Variants in TMEM144 observed in about 807,000 individuals in gnomAD.
The protein encoded by TMEM144 is transmembrane protein 144.
A neutral mutation model predicts 43.6 loss-of-function variants in TMEM144; 39 were observed. That is an observed-to-expected ratio of 0.90 (90% CI 0.69 to 1.17). The LOEUF is 1.17. Ranked by LOEUF, TMEM144 falls within the 50% of genes most tolerant of loss-of-function variation. TMEM144 has a pLI of 0.00. For synonymous variants in TMEM144, 154 were observed against 133.6 expected (o/e 1.15, Z -1.06); for missense variants, 417 against 411.9 (o/e 1.01, Z -0.11).
rs1389605657 is a variant in TMEM144, at chr4:158,232,893, C to T, written c.414-8C>T. 6.3e-7 allele frequency: 1 copy of T among 1,595,342 alleles called. No homozygotes were observed. The highest frequency in any genetic ancestry group is 8.6e-7 in the Non-Finnish European group (1 of 1,168,760). ...GATAAATATCACTAAAATTTATTTTCCTTACAGTGCTTTCATATTTTTGTT... is the reference window on the plus strand; with the variant it reads ...GATAAATATCACTAAAATTTATTTTTCTTACAGTGCTTTCATATTTTTGTT... On this transcript the variant is annotated splice_polypyrimidine_tract_variant and splice_region_variant and intron_variant, in intron 6 of 12. Coordinates refer to ENST00000296529, the MANE Select transcript of TMEM144 (RefSeq NM_018342.5).
intron 6 of TMEM144, among the ~76,000 whole-genome samples, chr4:158,232,634 G>A (rs1450533576): frequency 2.0e-5 from 3 of 152,220 alleles, no homozygotes; most frequent in Non-Finnish European, 4.4e-5. Flanking sequence ...CTTTTACAAT[G>A]TGATTTCAAA....
At chr4:158,252,320 T>C (rs187735499) in intron 12 of TMEM144, among the ~76,000 whole-genome samples, 1 of 152,234 alleles carries the variant, frequency 6.6e-6, no homozygotes, top group East Asian at 1.9e-4. Context: ...TCACACCCTC[T>C]CTGCATTTCT....
intron 6 of TMEM144, among the ~76,000 whole-genome samples, chr4:158,224,870 G>A (rs1398346198): frequency 1.3e-5 from 2 of 152,152 alleles, no homozygotes; most frequent in Non-Finnish European, 2.9e-5. Context: ...TGATGTTTAA[G>A]GGTGGTCTCA....
rs34512396 is a variant in TMEM144, at chr4:158,228,189, G to A, written c.414-4712G>A. The stretch of plus-strand genomic sequence containing the variant: ...GGCACACCGTGGGTGATCAGGCCAC[G>A]CTTCCACTCAAATGGAGTAGGCAAG... On this transcript the variant is annotated intron_variant, in intron 6 of 12. Coordinates refer to ENST00000296529, the MANE Select transcript of TMEM144 (RefSeq NM_018342.5). 4.7e-3 allele frequency among the ~76,000 whole-genome samples: 723 copies of A among 152,272 alleles called. 6 individuals carry two copies. Among genetic ancestry groups the A allele is most frequent in the Non-Finnish European group, 8.2e-3 (558 of 68,020 alleles).
At chr4:158,251,714 G>A (rs1736214090) in intron 12 of TMEM144, among the ~76,000 whole-genome samples, 1 of 152,146 alleles carries the variant, frequency 6.6e-6, no homozygotes, top group African/African-American at 2.4e-5. Flanking sequence ...GTGTAAAAAT[G>A]AGTGACACCA....
chr4:158,219,301 G>A lies in TMEM144; in HGVS notation c.333-9G>A. ...ATATTTAATTTGATGTGACTTTCTG[G>A]ATTTTCAGGTTTGGCTGGTTTGGAT... On this transcript the variant is annotated splice_polypyrimidine_tract_variant and intron_variant, in intron 5 of 12. Coordinates refer to ENST00000296529, the MANE Select transcript of TMEM144 (RefSeq NM_018342.5). 2 of 1,613,622 alleles carry A rather than the reference G, an allele frequency of 1.2e-6. No individual in the cohort carries two copies. The highest frequency in any genetic ancestry group is 2.7e-5 in the African/African-American group (2 of 74,962).
At chr4:158,224,929 A>G (rs1248053891) in intron 6 of TMEM144, among the ~76,000 whole-genome samples, 1 of 152,196 alleles carries the variant, frequency 6.6e-6, no homozygotes, top group Non-Finnish European at 1.5e-5. Flanking sequence ...CTACACAGTT[A>G]TGTTCAACTG....
At chr4:158,245,083 C>G (rs1379877544) in intron 12 of TMEM144, among the ~76,000 whole-genome samples, 1 of 152,082 alleles carries the variant, frequency 6.6e-6, no homozygotes, top group Non-Finnish European at 1.5e-5. Flanking sequence ...TCCTATGTCT[C>G]CCAAAGACCT....
intron 10 of TMEM144, among the ~76,000 whole-genome samples, chr4:158,240,764 T>C (rs931418851): frequency 6.6e-6 from 1 of 152,226 alleles, no homozygotes; most frequent in African/African-American, 2.4e-5. Flanking sequence ...ATCTAAAGGT[T>C]CATATATCAA....
chr4:158,217,613 C>A (rs185654973), intron 5 of TMEM144, among the ~76,000 whole-genome samples, 193 bp downstream of exon 5: 1 of 152,206 alleles, frequency 6.6e-6, no homozygotes, highest in Non-Finnish European at 1.5e-5. Flanking sequence ...GATATTTGAT[C>A]AAGATATAGT....
chr4:158,232,036 A>T (rs1024904486), intron 6 of TMEM144, among the ~76,000 whole-genome samples: 1 of 152,208 alleles, frequency 6.6e-6, no homozygotes, highest in Non-Finnish European at 1.5e-5. Flanking sequence ...TGAAATGTTG[A>T]ACCATGCAAA....
At chr4:158,247,981 TTAGC>T (rs1436500203) in intron 12 of TMEM144, among the ~76,000 whole-genome samples, 4 of 151,636 alleles carry the variant, frequency 2.6e-5, no homozygotes, top group African/African-American at 9.7e-5. Flanking sequence ...GCAATTTAGA[TTAGC>T]TAGGCCAGTT....
intron 9 of TMEM144, 126 bp from the exon 10 acceptor site, chr4:158,240,173 C>A: frequency 2.6e-6 from 3 of 1,148,740 alleles, no homozygotes; most frequent in Non-Finnish European, 1.2e-6. Flanking sequence ...GTGTGAGCCA[C>A]TGCGCTCTGC....
chr4:158,225,172 G>A (rs542280763), intron 6 of TMEM144, among the ~76,000 whole-genome samples: 5 of 152,304 alleles, frequency 3.3e-5, no homozygotes, highest in Admixed American at 2.0e-4. Context: ...TGCTGCTAAC[G>A]CCCTTAGACA....
chr4:158,219,488 G>T, intron 6 of TMEM144, 98 bp downstream of exon 6: 1 of 1,161,704 alleles, frequency 8.6e-7, no homozygotes, highest in Non-Finnish European at 1.3e-6. Context: ...CCTACATTTC[G>T]TAAAATCCAC....
At chr4:158,232,850 G>C (rs779215826) in intron 6 of TMEM144, 51 bp from the exon 7 acceptor site, 1 of 1,260,684 alleles carries the variant, frequency 7.9e-7, no homozygotes, top group Non-Finnish European at 1.1e-6. Flanking sequence ...CAAGCAGCTT[G>C]ATATAAACCA....
chr4:158,217,108 AC>A (rs1379856655), intron 4 of TMEM144, among the ~76,000 whole-genome samples: 1 of 152,274 alleles, frequency 6.6e-6, no homozygotes, highest in East Asian at 1.9e-4. Context: ...TTCTTTGTAG[AC>A]TTTTTTCCTA....
chr4:158,219,316 C>T lies in TMEM144; in HGVS notation c.339C>T (p.Gly113=), dbSNP rs759213453. The T allele has an allele frequency of 4.3e-6, 7 of 1,613,552 alleles. No homozygotes were observed. In the Admixed American group the frequency reaches 1.0e-4, roughly 23 times the overall value. The change falls in exon 6 of 13, where the codon GGC becomes GGT. Residue 113 remains glycine (G), a synonymous_variant. Transcript: ENST00000296529. ...ALTGWASSRF[G]WFGLDAEEVS... ...TGACTTTCTGGATTTTCAGGTTTGGCTGGTTTGGATTGGATGCAGAAGAAG... is the reference window on the plus strand; with the variant it reads ...TGACTTTCTGGATTTTCAGGTTTGGTTGGTTTGGATTGGATGCAGAAGAAG...
At chr4:158,215,395 C>T (rs1734173691) in intron 4 of TMEM144, 82 bp downstream of exon 4, 2 of 1,503,484 alleles carry the variant, frequency 1.3e-6, no homozygotes, top group African/African-American at 1.4e-5. Context: ...GGAAATAGCG[C>T]AAACAGTGAT....
Sources: gnomAD v4.1 joint callset for allele counts (sites outside exome capture counted in the v4.1 genomes callset) on GRCh38, gnomAD v4.1.1 for gene constraint, MANE v1.5 for transcripts, NCBI Gene and HGNC (gene_info 2026-07-23, HGNC 2026-07-21) for gene names.